The following PARP12 variants were observed in gnomAD, a reference collection of about 807,000 sequenced individuals.
PARP12 encodes protein mono-ADP-ribosyltransferase PARP12.
Under a neutral mutation model 72.4 loss-of-function variants are expected in PARP12, and 59 were observed. That is an observed-to-expected ratio of 0.81 (90% confidence interval 0.66 to 1.01). The LOEUF (loss-of-function observed/expected upper bound fraction) is 1.01. PARP12 is among the 50% of genes least tolerant of loss of function. The probability of loss-of-function intolerance (pLI) is 0.00; values close to 1 mark genes in which losing one functional copy is unlikely to be tolerated. For synonymous variants in PARP12, 403 were observed against 371.4 expected, an observed-to-expected ratio of 1.09 and a Z score of -0.98; for missense variants, 851 against 914.0, an observed-to-expected ratio of 0.93 and a Z score of 0.89.
rs573620686 is a variant in PARP12, at chr7:140,037,788, T to G, written c.1251A>C (p.Thr417=). 8 of 1,614,178 alleles carry G rather than the reference T, an allele frequency of 5.0e-6. No homozygotes were observed. The highest frequency in any genetic ancestry group is 6.8e-6 in the Non-Finnish European group (8 of 1,180,004). The stretch of plus-strand genomic sequence containing the variant: ...TGGCTGCCTGGCCGTCAGACCCCGG[T>G]GTACAGTAGGCCAGGTAGGCCTTCT... ...DVEKAYLAYC[T]PGSDGQAATL... is the part of the protein sequence containing the mutation. The change falls in exon 7 of 12, where the codon ACA becomes ACC. Residue 417 remains threonine, a synonymous_variant. Transcript: ENST00000263549.
At chr7:140,040,014 C>A (rs556267717) in intron 6 of PARP12, among the ~76,000 whole-genome samples, 1 of 152,178 alleles carries the variant, frequency 6.6e-6, no homozygotes, top group South Asian at 2.1e-4. Flanking sequence ...GAGACACCAC[C>A]GGGGAACCCT....
At chr7:140,047,218 C>T (rs564467098) in intron 4 of PARP12, among the ~76,000 whole-genome samples, 2 of 152,360 alleles carry the variant, frequency 1.3e-5, no homozygotes, top group Non-Finnish European at 2.9e-5. Flanking sequence ...ATTTAAATGT[C>T]TGTCCCTTCT....
intron 4 of PARP12, among the ~76,000 whole-genome samples, chr7:140,052,660 T>C (rs1656605734): frequency 1.3e-5 from 2 of 152,092 alleles, no homozygotes; most frequent in Admixed American, 1.3e-4. Context: ...TTTATTTTGG[T>C]GCAAAACTTT....
At position 140,024,712 on chromosome 7, in the gene PARP12, C is replaced by T. The variant is rs777612185; in HGVS notation, c.1954G>A (p.Val652Met). ...ATGGAGGGGTCGGACACACTGTTCA[C>T]GCAGCTATCATAGAAGGCGTTGCTC... ...GWSNAFYDSC[V>M]NSVSDPSIFV... Residue 652 changes from valine to methionine, a missense_variant, in exon 12 of 12, where the codon GTG (valine) becomes ATG (methionine). Val to Met is a conservative substitution (Grantham distance 21). This residue lies in a region of PARP12 where 347 missense variants were observed against 396.1 expected (regional missense o/e 0.88). Coordinates refer to ENST00000263549, the MANE Select transcript of PARP12 (RefSeq NM_022750.4). 1.1e-5 allele frequency: 18 copies of T among 1,614,024 alleles called. No individual in the cohort carries two copies. The highest frequency in any genetic ancestry group is 1.4e-5 in the Non-Finnish European group (16 of 1,180,052).
rs1243143464 is a variant in PARP12, at chr7:140,061,994, G to GA, written c.326+527_326+528insT. ...CTCCCAGAAATGCCCGGGGGGGGGG[G>GA]GGTGTTCCAGTCACAGAAGGGTCCT... On this transcript the variant is annotated intron_variant, in intron 1 of 11. Coordinates refer to ENST00000263549, the MANE Select transcript of PARP12 (RefSeq NM_022750.4). 6.0e-3 allele frequency among the ~76,000 whole-genome samples: 898 copies of GA among 149,116 alleles called. 28 individuals carry two copies. The highest frequency in any genetic ancestry group is 0.021 in the African/African-American group (852 of 40,114).
In PARP12 at chr7:140,056,956, C is replaced by T. The variant is rs1817209798; in HGVS notation, c.660G>A (p.Val220=). ...TTCTATAAATGGTAGGCAGCCTGCT[C>T]ACCAGGTCTGAGCTCATACCCAACT... ...LEKLGMSSDL[V]SRLPTIYRNA... Residue 220 remains valine (V), a synonymous_variant, in exon 3 of 12, where the codon GTG becomes GTA. Transcript: ENST00000263549. 1.2e-6 allele frequency: 2 copies of T among 1,614,160 alleles called. No homozygotes were observed. The highest frequency in any genetic ancestry group is 1.7e-6 in the Non-Finnish European group (2 of 1,180,034).
At chr7:140,047,167 TACAG>T (rs1344019665) in intron 4 of PARP12, among the ~76,000 whole-genome samples, 160 bp from the exon 5 acceptor site, 2 of 152,228 alleles carry the variant, frequency 1.3e-5, no homozygotes, top group East Asian at 3.8e-4. Context: ...AGCATTTAGA[TACAG>T]AAACACTTTT....
chr7:140,024,539 GC>G lies in PARP12; in HGVS notation c.*20del, dbSNP rs765898212. The G allele has an allele frequency of 6.2e-7, 1 of 1,613,046 alleles. No homozygotes were observed. Among genetic ancestry groups the G allele is most frequent in the South Asian group, 1.1e-5 (1 of 90,992 alleles). Reference sequence around the variant, plus strand: ...CATTTCAAGGCAGAGCAGGTGAAAGGCCTGGAACACTCCTGTGCGCTCACTG... The same window carrying G: ...CATTTCAAGGCAGAGCAGGTGAAAGGCTGGAACACTCCTGTGCGCTCACTG... On this transcript the variant is annotated 3_prime_UTR_variant, in exon 12 of 12. Transcript: ENST00000263549.
intron 5 of PARP12, among the ~76,000 whole-genome samples, chr7:140,046,609 T>C (rs925607612): frequency 3.9e-5 from 6 of 152,320 alleles, no homozygotes; most frequent in Admixed American, 2.0e-4. Flanking sequence ...CCTTTCCCCA[T>C]TGCTCCTGTC....
At chr7:140,051,655 T>C (rs572942121) in intron 4 of PARP12, among the ~76,000 whole-genome samples, 1 of 152,268 alleles carries the variant, frequency 6.6e-6, no homozygotes, top group South Asian at 2.1e-4. Context: ...CCTCTCAAAG[T>C]GCTGAGATTA....
intron 4 of PARP12, among the ~76,000 whole-genome samples, chr7:140,051,918 GTT>G (rs1201482224): frequency 3.9e-5 from 6 of 152,198 alleles, no homozygotes; most frequent in African/African-American, 1.4e-4. Flanking sequence ...ATAAGCAGAT[GTT>G]ATTGCTCTTT....
intron 2 of PARP12, 57 bp from the exon 3 acceptor site, chr7:140,057,210 T>A: frequency 1.3e-6 from 2 of 1,516,208 alleles, no homozygotes. Context: ...CGACACCACC[T>A]CCCCAGTGGC....
chr7:140,062,106 G>T (rs1817478195), intron 1 of PARP12, among the ~76,000 whole-genome samples: 1 of 151,994 alleles, frequency 6.6e-6, no homozygotes, highest in African/African-American at 2.4e-5. Context: ...TAATAGGGTT[G>T]AACTGGGTTT....
chr7:140,052,998 G>A (rs974099446), intron 4 of PARP12, among the ~76,000 whole-genome samples: 1 of 152,132 alleles, frequency 6.6e-6, no homozygotes, highest in African/African-American at 2.4e-5. Context: ...ACACGTTGCT[G>A]GTGGGAACAT....
intron 11 of PARP12, chr7:140,025,395 T>G (rs913665845): frequency 6.5e-6 from 2 of 309,238 alleles, no homozygotes; most frequent in Admixed American, 4.3e-5. Context: ...CACTGGCTGC[T>G]GTCCATCTTG....
At chr7:140,041,978 G>A (rs1227483686) in intron 5 of PARP12, 139 bp from the exon 6 acceptor site, 5 of 671,434 alleles carry the variant, frequency 7.4e-6, no homozygotes, top group Non-Finnish European at 1.3e-5. Flanking sequence ...CAGAGGTAGA[G>A]GAAACTGCTT....
At chr7:140,045,819 T>C (rs1331411921) in intron 5 of PARP12, among the ~76,000 whole-genome samples, 1 of 152,218 alleles carries the variant, frequency 6.6e-6, no homozygotes, top group Non-Finnish European at 1.5e-5. Flanking sequence ...CCACCTGTGC[T>C]TCCTCTGCCG....
chr7:140,033,941 C>CA, intron 8 of PARP12: 1 of 1,033,234 alleles, frequency 9.7e-7, no homozygotes, highest in Non-Finnish European at 1.2e-6. Flanking sequence ...ACAGAAAAGA[C>CA]AAACGGATGG....
chr7:140,025,111 G>A, intron 11 of PARP12: 1 of 558,964 alleles, frequency 1.8e-6, no homozygotes, highest in Non-Finnish European at 3.2e-6. Context: ...TTACCAAACT[G>A]AGATAGCAAA....
Sources: allele counts gnomAD v4.1 joint callset (sites outside exome capture counted in the v4.1 genomes callset), GRCh38; gene constraint gnomAD v4.1.1; regional missense constraint gnomAD v4.1.1; transcripts MANE v1.5; gene names NCBI Gene and HGNC (gene_info 2026-07-23, HGNC 2026-07-21).